YIPF5: variants seen among roughly 807,000 people sequenced by gnomAD.
YIPF5 encodes protein YIPF5.
Under a neutral mutation model 30.4 loss-of-function variants are expected in YIPF5, and 8 were observed. The observed-to-expected ratio is 0.26, with a 90% confidence interval of 0.15 to 0.47. The LOEUF (loss-of-function observed/expected upper bound fraction) is 0.47. Ranked by LOEUF, YIPF5 falls within the 20% of genes least tolerant of loss-of-function variation. The pLI, the probability that YIPF5 is intolerant of heterozygous loss-of-function variation, is 0.99. For missense variants in YIPF5, 282 were observed against 301.8 expected, an observed-to-expected ratio of 0.93 and a Z score of 0.49; for synonymous variants, 104 against 107.9, an observed-to-expected ratio of 0.96 and a Z score of 0.23.
chr5:144,166,084 T>C (rs1580758019), intron 2 of YIPF5, among the ~76,000 whole-genome samples: 1 of 152,208 alleles, frequency 6.6e-6, no homozygotes, highest in South Asian at 2.1e-4. Flanking sequence ...TTACTCTTCA[T>C]AGTATGTTAC....
Position 144,159,870 on chromosome 5 carries a change from C to A in YIPF5, c.*527G>T. The A allele has an allele frequency of 1.2e-5, 7 of 586,296 alleles. No homozygotes were observed. The highest frequency in any genetic ancestry group is 1.5e-5 in the Non-Finnish European group (7 of 478,884). 36.3% of individuals were successfully genotyped at this position (586,296 alleles called of 1,614,324 possible). A position where few individuals can be genotyped will look rare whatever the true frequency, so the allele number is the denominator to read the frequency against. ...TACAGGCGCCCGCCACCACGCCCAG[C>A]TAATTTTTTTTGTAGTTTTAGTAGA... On this transcript the variant is annotated 3_prime_UTR_variant, in exon 6 of 6. Coordinates refer to ENST00000274496, the MANE Select transcript of YIPF5 (RefSeq NM_030799.9).
chr5:144,168,935 A>G (rs1752276597), intron 2 of YIPF5, among the ~76,000 whole-genome samples: 1 of 152,224 alleles, frequency 6.6e-6, no homozygotes, highest in African/African-American at 2.4e-5. Context: ...CAAATTCGGG[A>G]TCCATGATGA....
At position 144,158,837 on chromosome 5, in the gene YIPF5, T is replaced by C. The variant is rs890504599; in HGVS notation, c.*1560A>G. 4.1e-6 allele frequency: 4 copies of C among 985,022 alleles called. No homozygotes were observed. The African/African-American group carries it at 7.0e-5, about 17-fold the overall frequency. The allele number at this position is 985,022 out of a possible 1,614,324, so 61.0% of individuals were successfully genotyped here. The stretch of plus-strand genomic sequence containing the variant: ...TATGTTATTTCTCTCAACCTCTTTT[T>C]ATGCTTTGAAAACTTGTTCTAAAAA... On this transcript the variant is annotated 3_prime_UTR_variant, in exon 6 of 6. Coordinates refer to ENST00000274496, the MANE Select transcript of YIPF5 (RefSeq NM_030799.9).
In YIPF5 at chr5:144,159,404, C is replaced by T. The variant is rs1331756791; in HGVS notation, c.*993G>A. The T allele has an allele frequency of 8.1e-6, 8 of 985,112 alleles. No homozygotes were observed. Among genetic ancestry groups the T allele is most frequent in the African/African-American group, 3.5e-5 (2 of 57,172 alleles). The allele number at this position is 985,112 out of a possible 1,614,324, so 61.0% of individuals were successfully genotyped here. ...TTTTTATTATTTTTGGGAAATGTGG[C>T]GATCCAACGATTATAGCATTAATGC... On this transcript the variant is annotated 3_prime_UTR_variant, in exon 6 of 6. Transcript: ENST00000274496.
At position 144,160,384 on chromosome 5, in the gene YIPF5, C is replaced by A. The variant is rs1473304809; in HGVS notation, c.*13G>T. The A allele has an allele frequency of 3.7e-6, 6 of 1,609,524 alleles. No individual in the cohort carries two copies. The highest frequency in any genetic ancestry group is 5.1e-6 in the Non-Finnish European group (6 of 1,177,118). On this transcript the variant is annotated 3_prime_UTR_variant, in exon 6 of 6. Coordinates refer to ENST00000274496, the MANE Select transcript of YIPF5 (RefSeq NM_030799.9). Reference sequence around the variant, plus strand: ...ACATCTGGCCCACTGATGTCCACATCCCAGATAAATTTTCAAAAGACGGAA... The same window carrying A: ...ACATCTGGCCCACTGATGTCCACATACCAGATAAATTTTCAAAAGACGGAA...
At chr5:144,164,313 T>C (rs906835902) in intron 3 of YIPF5, 57 bp from the exon 4 acceptor site, 2 of 1,476,282 alleles carry the variant, frequency 1.4e-6, no homozygotes, top group Non-Finnish European at 1.9e-6. Context: ...TTTTAATTCA[T>C]CAAAATCTAT....
In YIPF5 at chr5:144,158,829, CCT is replaced by C. The variant is rs1428070446; in HGVS notation, c.*1566_*1567del. 8.1e-6 allele frequency: 8 copies of C among 984,576 alleles called. No homozygotes were observed. Among genetic ancestry groups the C allele is most frequent in the African/African-American group, 1.8e-5 (1 of 57,048 alleles). The allele number at this position is 984,576 out of a possible 1,614,324, so 61.0% of individuals were successfully genotyped here. On this transcript the variant is annotated 3_prime_UTR_variant, in exon 6 of 6. Transcript: ENST00000274496. ...TCAATAAATATGTTATTTCTCTCAA[CCT>C]CTTTTTATGCTTTGAAAACTTGTTC...
Position 144,160,307 on chromosome 5 carries a change from T to C in YIPF5, c.*90A>G. 1 of 1,525,044 alleles carries C rather than the reference T, an allele frequency of 6.6e-7. No individual in the cohort carries two copies. Among genetic ancestry groups the C allele is most frequent in the Non-Finnish European group, 8.8e-7 (1 of 1,136,542 alleles). The allele number at this position is 1,525,044 out of a possible 1,614,324, so 94.5% of individuals were successfully genotyped here. ...AGTCAAATGTAAATCTGCATGAGAG[T>C]TGCGCTGCAGCAGTTTGCTGGTCCA... On this transcript the variant is annotated 3_prime_UTR_variant, in exon 6 of 6. Transcript: ENST00000274496.
rs1244256163 is a variant in YIPF5 at position 144,158,434 on chromosome 5, A to G, written c.*1963T>C. ...AAAAATGTTGTTGAGGATAGGGTAA[A>G]CAACAAAAAAGAAAATAATTTGATC... On this transcript the variant is annotated 3_prime_UTR_variant, in exon 6 of 6. Coordinates refer to ENST00000274496, the MANE Select transcript of YIPF5 (RefSeq NM_030799.9). 2.4e-6 allele frequency: 3 copies of G among 1,275,496 alleles called. No individual in the cohort carries two copies. Among genetic ancestry groups the G allele is most frequent in the Non-Finnish European group, 3.0e-6 (3 of 983,654 alleles). The allele number at this position is 1,275,496 out of a possible 1,614,324, so 79.0% of individuals were successfully genotyped here.
rs1751976777 is a variant in YIPF5 at position 144,159,785 on chromosome 5, T to A, written c.*612A>T. 1 of 715,108 alleles carries A rather than the reference T, an allele frequency of 1.4e-6. No individual in the cohort carries two copies. Among genetic ancestry groups the A allele is most frequent in the East Asian group, 1.4e-4 (1 of 7,118 alleles). 44.3% of individuals were successfully genotyped at this position (715,108 alleles called of 1,614,324 possible). A position where few individuals can be genotyped will look rare whatever the true frequency, so the allele number is the denominator to read the frequency against. The stretch of plus-strand genomic sequence containing the variant: ...GTGCAGTGGTGTGATCTCGGCTCAC[T>A]GCAAGCTCCGCCTCCTGGGTTCACA... On this transcript the variant is annotated 3_prime_UTR_variant, in exon 6 of 6. Coordinates refer to ENST00000274496, the MANE Select transcript of YIPF5 (RefSeq NM_030799.9).
At chr5:144,163,427 A>G (rs955699165) in intron 4 of YIPF5, among the ~76,000 whole-genome samples, 1 of 152,180 alleles carries the variant, frequency 6.6e-6, no homozygotes, top group African/African-American at 2.4e-5. Flanking sequence ...TTCACCTTCA[A>G]AATAATCTTG....
At chr5:144,169,691 G>T (rs1752308304) in intron 2 of YIPF5, among the ~76,000 whole-genome samples, 155 bp downstream of exon 2, 1 of 152,202 alleles carries the variant, frequency 6.6e-6, no homozygotes, top group South Asian at 2.1e-4. Context: ...CCAAGCCAGT[G>T]TCACATATCT....
intron 2 of YIPF5, among the ~76,000 whole-genome samples, chr5:144,167,813 T>C (rs898407293): frequency 6.6e-6 from 1 of 152,220 alleles, no homozygotes; most frequent in African/African-American, 2.4e-5. Context: ...AATATGCTAT[T>C]TGCACCTAGA....
Position 144,165,562 on chromosome 5 carries a change from G to T in YIPF5, c.153C>A (p.Val51=), listed in dbSNP as rs762941828. The change falls in exon 3 of 6, where the codon GTC becomes GTA. Residue 51 remains valine, a synonymous_variant. Coordinates refer to ENST00000274496, the MANE Select transcript of YIPF5 (RefSeq NM_030799.9). The part of the protein sequence containing the change: ...GYDYSQQGRF[V]PPDMMQPQQP... ...GTTGTGGCTGCATCATGTCTGGAGGGACAAATCTGCCTTGCTGCGAATAGT... is the reference window on the plus strand; with the variant it reads ...GTTGTGGCTGCATCATGTCTGGAGGTACAAATCTGCCTTGCTGCGAATAGT... 12 of 1,614,050 alleles carry T rather than the reference G, an allele frequency of 7.4e-6. No homozygotes were observed. The highest frequency in any genetic ancestry group is 9.3e-6 in the Non-Finnish European group (11 of 1,180,004).
chr5:144,160,701 ATT>A (rs750145063), intron 5 of YIPF5, 142 bp from the exon 6 acceptor site: 5 of 681,254 alleles, frequency 7.3e-6, no homozygotes, highest in Admixed American at 7.5e-5. Context: ...AATAATCAGG[ATT>A]TTTTTTTTCA....
At chr5:144,165,696 A>G in intron 2 of YIPF5, 92 bp from the exon 3 acceptor site, 1 of 1,329,016 alleles carries the variant, frequency 7.5e-7, no homozygotes, top group East Asian at 2.4e-5. Context: ...GTGACAGCTA[A>G]AGAACCTTAG....
rs931423309 is a variant in YIPF5 at position 144,170,624 on chromosome 5, C to A, written c.-100G>T. ...TCTGTTTCAGACCCTGAACCAGCCCCGTTGCTACGTGTCACAGGGCCAAAG... is the reference window on the plus strand; with the variant it reads ...TCTGTTTCAGACCCTGAACCAGCCCAGTTGCTACGTGTCACAGGGCCAAAG... On this transcript the variant is annotated 5_prime_UTR_variant, in exon 1 of 6. Coordinates refer to ENST00000274496, the MANE Select transcript of YIPF5 (RefSeq NM_030799.9). The A allele has an allele frequency of 1.3e-5, 2 of 152,382 alleles. No homozygotes were observed. The highest frequency in any genetic ancestry group is 2.9e-5 in the Non-Finnish European group (2 of 68,156). The allele number at this position is 152,382 out of a possible 1,614,324, so 9.4% of individuals were successfully genotyped here.
intron 2 of YIPF5, among the ~76,000 whole-genome samples, chr5:144,167,624 A>G (rs569734085): frequency 6.6e-6 from 1 of 152,206 alleles, no homozygotes; most frequent in African/African-American, 2.4e-5. Context: ...TCAACAGATT[A>G]TGATCAAAGG....
At chr5:144,169,498 T>C (rs1036776427) in intron 2 of YIPF5, among the ~76,000 whole-genome samples, 2 of 152,218 alleles carry the variant, frequency 1.3e-5, no homozygotes, top group African/African-American at 2.4e-5. Context: ...AATACTTTAA[T>C]TTTTCACTGG....
Sources: gnomAD v4.1 joint callset for allele counts (sites outside exome capture counted in the v4.1 genomes callset) on GRCh38, gnomAD v4.1.1 for gene constraint, MANE v1.5 for transcripts, NCBI Gene and HGNC (gene_info 2026-07-23, HGNC 2026-07-21) for gene names.